QTMAN: variants seen among roughly 807,000 people sequenced by gnomAD.
The protein encoded by QTMAN is tRNA-queuosine alpha-mannosyltransferase.
the QTMAN span, among the ~76,000 whole-genome samples, chr2:144,217,990 G>A: frequency 2.4e-4 from 37 of 152,162 alleles, no homozygotes; most frequent in African/African-American, 8.9e-4. Flanking sequence ...GTTCCACGGA[G>A]ACACTTGACT....
chr2:144,321,277 A>C, the QTMAN span, among the ~76,000 whole-genome samples: 12 of 152,210 alleles, frequency 7.9e-5, no homozygotes, highest in East Asian at 2.3e-3. Flanking sequence ...TCTTGCTGTC[A>C]CTAAAGCTTT....
chr2:144,193,822 C>T, the QTMAN span, among the ~76,000 whole-genome samples: 3 of 152,076 alleles, frequency 2.0e-5, no homozygotes, highest in African/African-American at 7.2e-5. Context: ...CTACTGTGCC[C>T]AGCACCCCCA....
the QTMAN span, among the ~76,000 whole-genome samples, chr2:144,003,330 C>G: frequency 6.6e-6 from 1 of 151,094 alleles, no homozygotes; most frequent in Non-Finnish European, 1.5e-5. Flanking sequence ...CTTTTATGCC[C>G]TTTATAATAA....
At chr2:144,094,560 G>A in the QTMAN span, among the ~76,000 whole-genome samples, 1 of 152,128 alleles carries the variant, frequency 6.6e-6, no homozygotes, top group Admixed American at 6.5e-5. Flanking sequence ...GAGAATAAGT[G>A]CAAGCAGGGG....
chr2:144,123,520 G>GT, the QTMAN span, among the ~76,000 whole-genome samples: 2 of 152,168 alleles, frequency 1.3e-5, no homozygotes, highest in South Asian at 2.1e-4. Flanking sequence ...AATAAAGTTT[G>GT]TTTTTTCCAC....
chr2:144,201,573 C>G, the QTMAN span, among the ~76,000 whole-genome samples: 1 of 152,202 alleles, frequency 6.6e-6, no homozygotes, highest in East Asian at 1.9e-4. Flanking sequence ...ACTAAGCTTT[C>G]TTTCAATCAA....
chr2:144,059,903 C>T, the QTMAN span, among the ~76,000 whole-genome samples: 1 of 152,112 alleles, frequency 6.6e-6, no homozygotes, highest in Non-Finnish European at 1.5e-5. Flanking sequence ...ATCTAGCTAC[C>T]ACACCACCTT....
At chr2:144,292,704 T>C in the QTMAN span, among the ~76,000 whole-genome samples, 1 of 152,176 alleles carries the variant, frequency 6.6e-6, no homozygotes, top group Non-Finnish European at 1.5e-5. Context: ...AAATTGAGTA[T>C]GTTCAATAAA....
At chr2:144,219,648 C>T in the QTMAN span, among the ~76,000 whole-genome samples, 5 of 152,030 alleles carry the variant, frequency 3.3e-5, no homozygotes, top group Admixed American at 2.0e-4. Context: ...TAGCAAAACC[C>T]CCGTCTCTAC....
chr2:144,156,505 G>GT, the QTMAN span, among the ~76,000 whole-genome samples: 1 of 152,048 alleles, frequency 6.6e-6, no homozygotes, highest in Non-Finnish European at 1.5e-5. Context: ...TATTTTAAAG[G>GT]TAAGACTTTT....
chr2:144,245,441 A>G, the QTMAN span, among the ~76,000 whole-genome samples: 1 of 152,244 alleles, frequency 6.6e-6, no homozygotes, highest in African/African-American at 2.4e-5. Flanking sequence ...AACAATAATG[A>G]AAAGTATCAT....
At chr2:144,159,816 A>C in the QTMAN span, among the ~76,000 whole-genome samples, 2 of 152,108 alleles carry the variant, frequency 1.3e-5, no homozygotes, top group Admixed American at 6.6e-5. Flanking sequence ...GGCTCATGAA[A>C]AAGTTGTAAT....
the QTMAN span, among the ~76,000 whole-genome samples, chr2:144,002,063 T>C: frequency 7.9e-5 from 12 of 151,962 alleles, no homozygotes; most frequent in African/African-American, 2.2e-4. Flanking sequence ...TGTGTTGACA[T>C]AGGCCCTGAT....
the QTMAN span, among the ~76,000 whole-genome samples, chr2:144,043,099 T>A: frequency 2.6e-5 from 4 of 152,062 alleles, no homozygotes; most frequent in African/African-American, 9.7e-5. Flanking sequence ...TCACAACACC[T>A]TTTTTTCCCC....
chr2:143,957,166 A>G, the QTMAN span: 11 of 1,554,112 alleles, frequency 7.1e-6, 1 homozygote, highest in Middle Eastern at 8.7e-4. Context: ...AGATTGCTTT[A>G]TCACATATCA....
At chr2:144,096,303 T>C in the QTMAN span, among the ~76,000 whole-genome samples, 20 of 152,234 alleles carry the variant, frequency 1.3e-4, no homozygotes, top group African/African-American at 4.8e-4. Context: ...CAATCATATC[T>C]AGATCAATAG....
chr2:144,232,934 T>C, the QTMAN span, among the ~76,000 whole-genome samples: 1 of 152,292 alleles, frequency 6.6e-6, no homozygotes, highest in African/African-American at 2.4e-5. Context: ...TAAAAACACT[T>C]CTGTGTTTTA....
At chr2:144,133,412 T>A in the QTMAN span, among the ~76,000 whole-genome samples, 771 of 52,274 alleles carry the variant, frequency 0.015, 23 homozygotes, top group African/African-American at 0.075. Flanking sequence ...TATAATATAT[T>A]ATATATAATA....
the QTMAN span, among the ~76,000 whole-genome samples, chr2:144,079,464 C>T: frequency 1.3e-5 from 2 of 152,052 alleles, no homozygotes; most frequent in Admixed American, 6.5e-5. Context: ...ATGATAAAAA[C>T]TTGAGAGCAA....
Sources: gnomAD v4.1 joint callset for allele counts (sites outside exome capture counted in the v4.1 genomes callset) on GRCh38, gnomAD v4.1.1 for gene constraint, MANE v1.5 for transcripts, NCBI Gene and HGNC (gene_info 2026-07-23, HGNC 2026-07-21) for gene names.